The following OPCML variants were observed in gnomAD, a reference collection of about 807,000 sequenced individuals.
OPCML encodes opioid-binding protein/cell adhesion molecule.
A neutral mutation model predicts 37.8 loss-of-function variants in OPCML; 13 were observed. That is an observed-to-expected ratio of 0.34 (90% CI 0.22 to 0.55). OPCML has a LOEUF of 0.55. Among genes scored for constraint, OPCML ranks in the 20% least tolerant of loss-of-function variants. OPCML has a pLI of 0.91. For synonymous variants in OPCML, 176 were observed against 168.8 expected (o/e 1.04, Z -0.33); for missense variants, 341 against 435.6 (o/e 0.78, Z 1.93).
intron 2 of OPCML, among the ~76,000 whole-genome samples, chr11:132,829,622 G>A (rs189066828): frequency 6.6e-6 from 1 of 152,296 alleles, no homozygotes; most frequent in East Asian, 1.9e-4. Context: ...CTCCTGTCCG[G>A]TGTTGGCCTA....
intron 2 of OPCML, among the ~76,000 whole-genome samples, chr11:132,934,382 C>T (rs910765509): frequency 5.3e-5 from 8 of 152,124 alleles, no homozygotes; most frequent in African/African-American, 7.2e-5. Flanking sequence ...AGGTAGGAAC[C>T]GAGGTTCAGA....
In OPCML at chr11:132,687,387, T is replaced by TAC. The variant is rs1565776156; in HGVS notation, c.147-30069_147-30068insGT. Among the ~76,000 whole-genome samples, 39 of 37,912 alleles carry TAC rather than the reference T, an allele frequency of 1.0e-3. 3 individuals are homozygous for TAC. Among genetic ancestry groups the TAC allele is most frequent in the African/African-American group, 5.3e-3 (35 of 6,630 alleles). 24.9% of individuals were successfully genotyped at this position (37,912 alleles called of 152,430 possible). A position where few individuals can be genotyped will look rare whatever the true frequency, so the allele number is the denominator to read the frequency against. ...TAAGCTACATATATATATATATATA[T>TAC]ATATATATATATATATATATATATA... On this transcript the variant is annotated intron_variant, in intron 2 of 7. Coordinates refer to ENST00000524381, the MANE Select transcript of OPCML (RefSeq NM_001012393.5).
intron 4 of OPCML, among the ~76,000 whole-genome samples, chr11:132,457,796 C>A (rs1294498513): frequency 6.6e-6 from 1 of 152,188 alleles, no homozygotes; most frequent in African/African-American, 2.4e-5. Context: ...GGAACTGAGG[C>A]AATGGGCTGT....
At chr11:133,000,818 G>A (rs1436132564) in intron 1 of OPCML, among the ~76,000 whole-genome samples, 3 of 152,188 alleles carry the variant, frequency 2.0e-5, no homozygotes, top group Non-Finnish European at 2.9e-5. Flanking sequence ...GGGGCCTGGT[G>A]GGAGGTGTCT....
intron 1 of OPCML, among the ~76,000 whole-genome samples, chr11:133,342,702 C>G (rs571795114): frequency 1.3e-5 from 2 of 152,258 alleles, no homozygotes; most frequent in East Asian, 3.9e-4. Flanking sequence ...TTTGCAAAAA[C>G]AGAAGACTCA....
At chr11:133,193,762 C>T (rs931334982) in intron 1 of OPCML, among the ~76,000 whole-genome samples, 1 of 152,030 alleles carries the variant, frequency 6.6e-6, no homozygotes, top group Non-Finnish European at 1.5e-5. Flanking sequence ...GATTTATGGT[C>T]GGCATATCCT....
At chr11:132,452,062 G>C (rs1387266554) in intron 4 of OPCML, among the ~76,000 whole-genome samples, 1 of 152,044 alleles carries the variant, frequency 6.6e-6, no homozygotes, top group East Asian at 1.9e-4. Flanking sequence ...TAACTGATTT[G>C]TGTTCTGTTC....
intron 2 of OPCML, among the ~76,000 whole-genome samples, chr11:132,710,522 A>C (rs555556860): frequency 6.6e-6 from 1 of 152,204 alleles, no homozygotes; most frequent in Non-Finnish European, 1.5e-5. Context: ...ACAATTGCCT[A>C]TTAGTTGTCA....
chr11:133,080,357 G>A (rs143919985), intron 1 of OPCML, among the ~76,000 whole-genome samples: 9 of 152,238 alleles, frequency 5.9e-5, no homozygotes, highest in African/African-American at 1.4e-4. Flanking sequence ...TACTGCGGCC[G>A]GTGTGTGGCC....
At chr11:132,683,324 A>G (rs2135860287) in intron 2 of OPCML, among the ~76,000 whole-genome samples, 1 of 152,202 alleles carries the variant, frequency 6.6e-6, no homozygotes, top group Non-Finnish European at 1.5e-5. Flanking sequence ...TGTTTGAGCC[A>G]TGGTTGCGCC....
At chr11:133,454,113 A>C (rs1221797923) in intron 1 of OPCML, among the ~76,000 whole-genome samples, 1 of 152,204 alleles carries the variant, frequency 6.6e-6, no homozygotes, top group East Asian at 1.9e-4. Context: ...TTCATATCAG[A>C]AGGACCAAAT....
chr11:132,836,750 C>T (rs75967172), intron 2 of OPCML, among the ~76,000 whole-genome samples: 3,575 of 152,144 alleles, frequency 0.023, 107 homozygotes, highest in African/African-American at 0.068. Flanking sequence ...GAACAAGACA[C>T]GAAATTTATT....
intron 1 of OPCML, among the ~76,000 whole-genome samples, chr11:133,344,270 A>G (rs1485576407): frequency 6.6e-6 from 1 of 152,188 alleles, no homozygotes; most frequent in Non-Finnish European, 1.5e-5. Context: ...GAATAAATGA[A>G]CCCACTGACA....
intron 1 of OPCML, among the ~76,000 whole-genome samples, chr11:133,207,894 CCTGTAACACGCTCTGTTTTA>C (rs150344243): frequency 0.068 from 10,290 of 152,142 alleles, 1,153 homozygotes; most frequent in African/African-American, 0.24. Flanking sequence ...CTTTTTGGAC[CCTGTAACACGCTCTGTTTTA>C]CTTCGCCGCA....
chr11:132,483,760 C>T (rs2096189323), intron 4 of OPCML, among the ~76,000 whole-genome samples: 2 of 151,738 alleles, frequency 1.3e-5, no homozygotes, highest in Non-Finnish European at 2.9e-5. Context: ...AGAAATAATG[C>T]CACATATCTA....
chr11:132,867,638 G>A (rs913195343), intron 2 of OPCML, among the ~76,000 whole-genome samples: 1 of 152,108 alleles, frequency 6.6e-6, no homozygotes, highest in Non-Finnish European at 1.5e-5. Context: ...CAAGAAGCGG[G>A]GATGAGAGAC....
intron 1 of OPCML, among the ~76,000 whole-genome samples, chr11:133,142,655 GAATAAAAGTGCATGAGCTGCCTATTTCC>G (rs769724860): frequency 9.9e-5 from 15 of 152,096 alleles, no homozygotes; most frequent in Admixed American, 2.0e-4. Flanking sequence ...GCTTTTTGCT[GAATAAAAGTGCATGAGCTGCCTATTTCC>G]ACTGACACAC....
At chr11:132,934,137 GA>G (rs1164240311) in intron 2 of OPCML, among the ~76,000 whole-genome samples, 1 of 152,204 alleles carries the variant, frequency 6.6e-6, no homozygotes, top group African/African-American at 2.4e-5. Flanking sequence ...GCCTGGATGT[GA>G]AGTGCTCTCC....
At chr11:132,505,123 A>G (rs147170412) in intron 4 of OPCML, among the ~76,000 whole-genome samples, 3 of 152,334 alleles carry the variant, frequency 2.0e-5, no homozygotes, top group Non-Finnish European at 4.4e-5. Context: ...CCTAATAAAT[A>G]TTTGAAGAGT....
Sources: gnomAD v4.1 joint callset for allele counts (sites outside exome capture counted in the v4.1 genomes callset) on GRCh38, gnomAD v4.1.1 for gene constraint, MANE v1.5 for transcripts, NCBI Gene and HGNC (gene_info 2026-07-23, HGNC 2026-07-21) for gene names.